UGT2B4: variants seen among roughly 807,000 people sequenced by gnomAD.
UGT2B4 encodes the protein UDP glucuronosyltransferase family 2 member B4, also known as UDP-glucuronosyltransferase 2B4.
A neutral mutation model predicts 49.8 loss-of-function variants in UGT2B4; 49 were observed. The ratio of observed to expected loss-of-function variants is 0.98; its 90% CI spans 0.78 to 1.25. The LOEUF (loss-of-function observed/expected upper bound fraction) is 1.25, where lower values mean the gene tolerates loss of function less well. Among genes scored for constraint, UGT2B4 ranks in the 50% most tolerant of loss-of-function variants. The pLI, the probability that UGT2B4 is intolerant of heterozygous loss-of-function variation, is 0.00. For synonymous variants in UGT2B4, 246 were observed against 217.7 expected, an observed-to-expected ratio of 1.13 and a Z score of -1.14; for missense variants, 729 against 627.7, an observed-to-expected ratio of 1.16 and a Z score of -1.73.
intron 5 of UGT2B4, among the ~76,000 whole-genome samples, chr4:69,481,478 T>G (rs1410836917): frequency 1.3e-5 from 2 of 152,228 alleles, no homozygotes; most frequent in African/African-American, 4.8e-5. Context: ...GTGAGAAAGT[T>G]AATTATTTGA....
In UGT2B4 at chr4:69,495,330, A is replaced by G. The variant is rs1728120122; in HGVS notation, c.532T>C (p.Tyr178His). ...CCTCCACTATGCTTTTCAATTGCGTAGCCAGGAGAGAAGCGGAGGCTGTAG... is the reference window on the plus strand; with the variant it reads ...CCTCCACTATGCTTTTCAATTGCGTGGCCAGGAGAGAAGCGGAGGCTGTAG... ...FVYSLRFSPG[Y>H]AIEKHSGGLL... The change falls in exon 1 of 6, where the codon TAC (tyrosine) becomes CAC (histidine). Residue 178 changes from tyrosine (Y) to histidine (H), a missense_variant. Tyr to His is a moderately conservative substitution (Grantham distance 83). Coordinates refer to ENST00000305107, the MANE Select transcript of UGT2B4 (RefSeq NM_021139.3). 1.2e-6 allele frequency: 2 copies of G among 1,613,196 alleles called. No individual in the cohort carries two copies. Among genetic ancestry groups the G allele is most frequent in the Non-Finnish European group, 1.7e-6 (2 of 1,179,696 alleles).
At chr4:69,488,386 A>G (rs1469559346) in intron 3 of UGT2B4, among the ~76,000 whole-genome samples, 1 of 150,724 alleles carries the variant, frequency 6.6e-6, no homozygotes, top group Non-Finnish European at 1.5e-5. Context: ...TGGAACCCCC[A>G]AGGAATCCTT....
chr4:69,525,038 T>C (rs1260625316), intron 1 of UGT2B4, among the ~76,000 whole-genome samples: 4 of 152,196 alleles, frequency 2.6e-5, no homozygotes, highest in Non-Finnish European at 5.9e-5. Context: ...TTTTTAAAAA[T>C]TGGTTGAAAT....
chr4:69,502,133 CTTTCTTTCTTTCTTTCTCTT>C (rs1251599093), intron 1 of UGT2B4, among the ~76,000 whole-genome samples: 2 of 124,338 alleles, frequency 1.6e-5, no homozygotes, highest in African/African-American at 6.4e-5. Flanking sequence ...TTCTTTCTTT[CTTTCTTTCTTTCTTTCTCTT>C]TCTTTCTTTC....
chr4:69,482,814 A>G (rs1994936), intron 5 of UGT2B4, among the ~76,000 whole-genome samples: 138,656 of 151,718 alleles, frequency 0.91, 63,450 homozygotes, highest in South Asian at 0.96. Context: ...CACCATGTTC[A>G]TCAGGCTTGT....
rs535446531 is a variant in UGT2B4 at position 69,506,119 on chromosome 4, G to A, written c.-105-10153C>T. ...TAGGACTAAATGCCCGCATTGGAAA[G>A]CTAGAAAAATCTCAAATTAACAACC... is the stretch of plus-strand genomic sequence containing the variant. On this transcript the variant is annotated intron_variant, in intron 1 of 1. Transcript: ENST00000510114. Among the ~76,000 whole-genome samples, 5 of 152,168 alleles carry A rather than the reference G, an allele frequency of 3.3e-5. No homozygotes were observed. The South Asian group carries it at 1.0e-3, about 31-fold the overall frequency.
At chr4:69,500,621 GAAAGAAAGAAAGA>G (rs1560438368), upstream of UGT2B4, among the ~76,000 whole-genome samples, 109 of 124,242 alleles carry the variant, frequency 8.8e-4, no homozygotes, top group African/African-American at 3.0e-3. Flanking sequence ...AAGAAAGAAA[GAAAGAAAGAAAGA>G]AAGAAAGAAA....
chr4:69,494,810 A>C (rs1447554936), intron 1 of UGT2B4, among the ~76,000 whole-genome samples: 2 of 152,184 alleles, frequency 1.3e-5, no homozygotes, highest in Admixed American at 1.3e-4. Context: ...ATTCAGCAAG[A>C]TGTTTCTGAA....
At chr4:69,521,857 A>G (rs1435063860) in intron 1 of UGT2B4, among the ~76,000 whole-genome samples, 2 of 152,220 alleles carry the variant, frequency 1.3e-5, no homozygotes, top group African/African-American at 4.8e-5. Context: ...AATTTTCTCA[A>G]TTATAAGCAG....
intron 5 of UGT2B4, among the ~76,000 whole-genome samples, chr4:69,482,875 T>A (rs1027284165): frequency 1.3e-4 from 19 of 149,586 alleles, no homozygotes; most frequent in African/African-American, 3.7e-4. Flanking sequence ...CAAAGTGTCT[T>A]TTTTTTTTAA....
At chr4:69,499,437 ACT>A (rs1728245037), upstream of UGT2B4, among the ~76,000 whole-genome samples, 1 of 151,482 alleles carries the variant, frequency 6.6e-6, no homozygotes, top group Non-Finnish European at 1.5e-5. Context: ...CTGTTTTGAA[ACT>A]CTGTCTAATA....
At chr4:69,512,785 G>A (rs13105018) in intron 1 of UGT2B4, among the ~76,000 whole-genome samples, 30,785 of 151,974 alleles carry the variant, frequency 0.2, 3,225 homozygotes, top group Non-Finnish European at 0.22. Context: ...ATTTGCACTG[G>A]TATGAAATGA....
intron 4 of UGT2B4, 48 bp downstream of exon 4, chr4:69,486,561 T>C (rs1403341837): frequency 7.6e-7 from 1 of 1,322,300 alleles, no homozygotes. Context: ...ATTAACACTT[T>C]AATAATCTGT....
chr4:69,512,213 T>G (rs188841043), intron 1 of UGT2B4, among the ~76,000 whole-genome samples: 35 of 152,156 alleles, frequency 2.3e-4, no homozygotes, highest in African/African-American at 7.9e-4. Context: ...TCTTGGCTCT[T>G]TTATGTGTAA....
upstream of UGT2B4, among the ~76,000 whole-genome samples, chr4:69,500,898 C>T (rs1234567826): frequency 6.6e-6 from 1 of 151,874 alleles, no homozygotes; most frequent in Non-Finnish European, 1.5e-5. Context: ...AGAGCAGCAG[C>T]TCAGGCATGT....
intron 3 of UGT2B4, 143 bp from the exon 4 acceptor site, chr4:69,486,839 A>G (rs1727802022): frequency 4.0e-6 from 2 of 498,644 alleles, no homozygotes; most frequent in Non-Finnish European, 7.0e-6. Flanking sequence ...TAGAATACTC[A>G]TATTTCATTT....
chr4:69,497,516 T>C (rs1022010328), upstream of UGT2B4, among the ~76,000 whole-genome samples: 1 of 152,170 alleles, frequency 6.6e-6, no homozygotes, highest in Non-Finnish European at 1.5e-5. Flanking sequence ...GTTGGCCCTA[T>C]AACAAAGACT....
chr4:69,512,259 T>C (rs1728623070), intron 1 of UGT2B4, among the ~76,000 whole-genome samples: 1 of 152,108 alleles, frequency 6.6e-6, no homozygotes, highest in Non-Finnish European at 1.5e-5. Context: ...TGTTTTTTTC[T>C]TTTTTAATAT....
At chr4:69,524,839 C>T (rs1460557786) in intron 1 of UGT2B4, among the ~76,000 whole-genome samples, 1 of 152,092 alleles carries the variant, frequency 6.6e-6, no homozygotes, top group African/African-American at 2.4e-5. Context: ...ATAATTATCC[C>T]TCTATGGAGC....
Sources: allele counts gnomAD v4.1 joint callset (sites outside exome capture counted in the v4.1 genomes callset), GRCh38; gene constraint gnomAD v4.1.1; transcripts MANE v1.5; gene names NCBI Gene and HGNC (gene_info 2026-07-23, HGNC 2026-07-21).